The following DNAH6 variants were observed in gnomAD, a reference collection of about 807,000 sequenced individuals.
DNAH6 encodes dynein axonemal heavy chain 6, also known as axonemal beta dynein heavy chain 6.
Under a neutral mutation model 491.4 loss-of-function variants are expected in DNAH6, and 340 were observed. The observed-to-expected ratio is 0.69, with a 90% CI of 0.63 to 0.76. The LOEUF (loss-of-function observed/expected upper bound fraction) is 0.76. Ranked by LOEUF, DNAH6 falls within the 30% of genes least tolerant of loss-of-function variation. The probability of loss-of-function intolerance (pLI) is 0.00; values close to 1 mark genes in which losing one functional copy is unlikely to be tolerated. For synonymous variants in DNAH6, 1,603 were observed against 1,686.1 expected (o/e 0.95, Z 1.21); for missense variants, 4,443 against 4,972.2 (o/e 0.89, Z 3.20).
chr2:84,802,092 G>GT (rs1281099906), intron 70 of DNAH6, among the ~76,000 whole-genome samples: 1 of 152,084 alleles, frequency 6.6e-6, no homozygotes, highest in Non-Finnish European at 1.5e-5. Context: ...AACAATACAT[G>GT]TAACCACAAA....
intron 35 of DNAH6, among the ~76,000 whole-genome samples, chr2:84,657,797 A>G (rs1375559216): frequency 6.6e-6 from 1 of 151,996 alleles, no homozygotes; most frequent in Non-Finnish European, 1.5e-5. Flanking sequence ...CCCAATCTGT[A>G]TACCTTTTAT....
chr2:84,696,916 A>G lies in DNAH6; in HGVS notation c.7525-659A>G, dbSNP rs546731296. 2.0e-5 allele frequency among the ~76,000 whole-genome samples: 3 copies of G among 152,274 alleles called. No individual in the cohort carries two copies. In the South Asian group the frequency reaches 6.2e-4, roughly 32 times the overall value. The stretch of plus-strand genomic sequence containing the variant: ...TTTAATGGACAATAATAAATGTGGG[A>G]TAATATTTTCCCTTGCTAATAATCA... On this transcript the variant is annotated intron_variant, in intron 46 of 76. Coordinates refer to ENST00000389394, the MANE Select transcript of DNAH6 (RefSeq NM_001370.2).
chr2:84,533,733 A>T (rs919503727), intron 4 of DNAH6, among the ~76,000 whole-genome samples: 1 of 152,144 alleles, frequency 6.6e-6, no homozygotes, highest in African/African-American at 2.4e-5. Flanking sequence ...CCATTTTCTA[A>T]ATTGAAACAC....
In DNAH6 at chr2:84,658,205, G is replaced by A. The variant is rs11898218; in HGVS notation, c.5758-87G>A. ...TGGTCTAAAGGTCACTGAATATATAGAAATATCCAGATTTTAACCAACCTA... is the reference window on the plus strand; with the variant it reads ...TGGTCTAAAGGTCACTGAATATATAAAAATATCCAGATTTTAACCAACCTA... On this transcript the variant is annotated intron_variant, in intron 35 of 76. Transcript: ENST00000389394. The A allele has an allele frequency of 5.7e-3, 5,056 of 889,026 alleles. 166 individuals are homozygous for A. In the African/African-American group the frequency reaches 0.078, roughly 14 times the overall value. The allele number at this position is 889,026 out of a possible 1,614,324, so 55.1% of individuals were successfully genotyped here.
chr2:84,623,331 A>G (rs1687569670), intron 26 of DNAH6, among the ~76,000 whole-genome samples: 1 of 152,220 alleles, frequency 6.6e-6, no homozygotes, highest in Non-Finnish European at 1.5e-5. Context: ...GAAAATATTT[A>G]CAAACGGTAT....
chr2:84,547,396 A>G lies in DNAH6; in HGVS notation c.1059A>G (p.Leu353=). The G allele has an allele frequency of 6.4e-7, 1 of 1,551,744 alleles. No homozygotes were observed. The highest frequency in any genetic ancestry group is 8.7e-7 in the Non-Finnish European group (1 of 1,146,938). The change falls in exon 6 of 77, where the codon CTA becomes CTG. Residue 353 remains leucine (L), a synonymous_variant. Transcript: ENST00000389394. ...TTAAGGCCGCACAAGTCATACGGCTAGCAGAGGTAACAAATTTTGTCTATA... is the reference window on the plus strand; with the variant it reads ...TTAAGGCCGCACAAGTCATACGGCTGGCAGAGGTAACAAATTTTGTCTATA... The part of the protein sequence containing the change: ...QEFKAAQVIR[L]AEVTERLGEF...
chr2:84,590,515 A>AG (rs1208219341), intron 16 of DNAH6, among the ~76,000 whole-genome samples: 1 of 150,384 alleles, frequency 6.6e-6, no homozygotes, highest in Non-Finnish European at 1.5e-5. Context: ...AAAAAAAAAA[A>AG]AAAGCTACAA....
At chr2:84,725,314 G>C (rs1227741328) in intron 60 of DNAH6, among the ~76,000 whole-genome samples, 1 of 152,190 alleles carries the variant, frequency 6.6e-6, no homozygotes, top group Non-Finnish European at 1.5e-5. Context: ...GGAAAGAATG[G>C]AAATGAGGAA....
Position 84,672,409 on chromosome 2 carries a change from G to T in DNAH6, c.6537G>T (p.Pro2179=). The change falls in exon 40 of 77, where the codon CCG becomes CCT. Residue 2179 remains proline (P), a synonymous_variant. Coordinates refer to ENST00000389394, the MANE Select transcript of DNAH6 (RefSeq NM_001370.2). The part of the protein sequence containing the change: ...PRLDRYGSQP[P]IELLRQYQDF... ...TGGATCGCTATGGCTCTCAGCCTCC[G>T]ATTGAATTACTTCGGCAGTATCAAG... The T allele has an allele frequency of 6.4e-7, 1 of 1,551,578 alleles. No homozygotes were observed. Among genetic ancestry groups the T allele is most frequent in the Non-Finnish European group, 8.7e-7 (1 of 1,146,910 alleles).
chr2:84,796,110 T>C (rs1291606242), intron 68 of DNAH6, among the ~76,000 whole-genome samples, 196 bp from the exon 69 acceptor site: 2 of 152,304 alleles, frequency 1.3e-5, no homozygotes, highest in African/African-American at 2.4e-5. Context: ...AGAGTACATA[T>C]AGTAGATTTT....
At chr2:84,584,993 C>T (rs945057209) in intron 15 of DNAH6, 2 of 152,144 alleles carry the variant, frequency 1.3e-5, no homozygotes, top group Non-Finnish European at 2.9e-5. Flanking sequence ...ATATAGGGTA[C>T]ATTGACTCAA....
intron 64 of DNAH6, chr2:84,778,098 C>A (rs745399350): frequency 1.0e-4 from 83 of 815,906 alleles, no homozygotes; most frequent in Non-Finnish European, 1.6e-4. Flanking sequence ...AGTTAAACTG[C>A]CCGTCAGTTG....
intron 15 of DNAH6, chr2:84,584,489 A>G (rs1270531047): frequency 2.3e-6 from 1 of 443,832 alleles, no homozygotes; most frequent in African/African-American, 2.0e-5. Context: ...TTTAGAGAAC[A>G]CATTTAACTG....
chr2:84,805,743 A>G lies in DNAH6; in HGVS notation c.11560A>G (p.Asn3854Asp). ...RSSTGGEGKSNDEIVQELVAS... is the reference protein window; with the variant it reads ...RSSTGGEGKSDDEIVQELVAS... ...ATCTACTGGTGGAGAGGGAAAAAGCAATGACGAAATTGTTCAAGAACTTGT... is the reference window on the plus strand; with the variant it reads ...ATCTACTGGTGGAGAGGGAAAAAGCGATGACGAAATTGTTCAAGAACTTGT... The change falls in exon 71 of 77, where the codon AAT becomes GAT. Residue 3854 changes from asparagine (N) to aspartate (D), a missense_variant. By Grantham distance (23) the Asn-to-Asp change is conservative. Coordinates refer to ENST00000389394, the MANE Select transcript of DNAH6 (RefSeq NM_001370.2). 1 of 1,551,706 alleles carries G rather than the reference A, an allele frequency of 6.4e-7. No individual in the cohort carries two copies. Among genetic ancestry groups the G allele is most frequent in the African/African-American group, 1.4e-5 (1 of 73,164 alleles).
At chr2:84,549,341 A>G (rs1049125439) in intron 8 of DNAH6, among the ~76,000 whole-genome samples, 5 of 152,226 alleles carry the variant, frequency 3.3e-5, no homozygotes. Context: ...ACCTAGAAGT[A>G]TTAGAGGCCT....
At chr2:84,564,800 A>G (rs1193372894) in intron 11 of DNAH6, among the ~76,000 whole-genome samples, 2 of 152,142 alleles carry the variant, frequency 1.3e-5, no homozygotes, top group Non-Finnish European at 2.9e-5. Context: ...ACTTTTGCCC[A>G]TGCAGTATGA....
rs1347316685 is a variant in DNAH6, at chr2:84,694,483, G to A, written c.7524+3G>A. 3 of 1,549,824 alleles carry A rather than the reference G, an allele frequency of 1.9e-6. No individual in the cohort carries two copies. The highest frequency in any genetic ancestry group is 2.6e-6 in the Non-Finnish European group (3 of 1,145,250). On this transcript the variant is annotated splice_donor_region_variant and intron_variant, in intron 46 of 76. Transcript: ENST00000389394. ...TTTTCCTTTTCACTGACACCCAGGTGTGTGTTTAAATAGCCCATGGGTGAG... is the reference window on the plus strand; with the variant it reads ...TTTTCCTTTTCACTGACACCCAGGTATGTGTTTAAATAGCCCATGGGTGAG...
intron 37 of DNAH6, among the ~76,000 whole-genome samples, chr2:84,667,167 C>A (rs983498023): frequency 6.6e-6 from 1 of 152,112 alleles, no homozygotes; most frequent in Non-Finnish European, 1.5e-5. Flanking sequence ...CTAGGCAATA[C>A]CATTCAGGAC....
chr2:84,633,611 G>T (rs1032369530), intron 29 of DNAH6, among the ~76,000 whole-genome samples: 9 of 151,862 alleles, frequency 5.9e-5, no homozygotes, highest in African/African-American at 2.2e-4. Context: ...CTCATGATGG[G>T]CATTACTCCT....
Sources: allele counts gnomAD v4.1 joint callset (sites outside exome capture counted in the v4.1 genomes callset), GRCh38; gene constraint gnomAD v4.1.1; transcripts MANE v1.5; gene names NCBI Gene and HGNC (gene_info 2026-07-23, HGNC 2026-07-21).